The following UNC79 variants were observed in gnomAD, a reference collection of about 807,000 sequenced individuals.
UNC79 encodes unc-79 subunit of NALCN channel complex, also known as protein unc-79 homolog.
UNC79 carries 37 observed loss-of-function variants against 283.1 expected under a neutral mutation model. That is an observed-to-expected ratio of 0.13 (90% CI 0.10 to 0.17). The LOEUF is 0.17. Ranked by LOEUF, UNC79 falls within the 10% of genes least tolerant of loss-of-function variation. UNC79 has a pLI of 1.00. For synonymous variants in UNC79, 1,107 were observed against 1,200.2 expected, an observed-to-expected ratio of 0.92 and a Z score of 1.61; for missense variants, 2,272 against 3,211.1, an observed-to-expected ratio of 0.71 and a Z score of 7.07.
chr14:93,598,792 G>A (rs1317647708), intron 24 of UNC79, among the ~76,000 whole-genome samples: 1 of 152,226 alleles, frequency 6.6e-6, no homozygotes, highest in African/African-American at 2.4e-5. Context: ...AAAGTGCTGG[G>A]ATTAGAGGCC....
chr14:93,566,537 C>T lies in UNC79; in HGVS notation c.1756-5357C>T, dbSNP rs10141516. Among the ~76,000 whole-genome samples the T allele has an allele frequency of 7.1e-3, 1,078 of 152,048 alleles. 13 individuals are homozygous for T. Among genetic ancestry groups the T allele is most frequent in the African/African-American group, 0.025 (1,019 of 41,440 alleles). ...TAACAGGCCACCTGGTGGTCTGGCCCGCGGCAACAATGCTGTAAATCAATA... is the reference window on the plus strand; with the variant it reads ...TAACAGGCCACCTGGTGGTCTGGCCTGCGGCAACAATGCTGTAAATCAATA... On this transcript the variant is annotated intron_variant, in intron 14 of 48. Transcript: ENST00000555664.
intron 7 of UNC79, among the ~76,000 whole-genome samples, chr14:93,498,117 A>G (rs2059103524): frequency 7.3e-6 from 1 of 137,104 alleles, no homozygotes; most frequent in South Asian, 2.6e-4. Context: ...CAACATGTAA[A>G]AATTAGCCAG....
At chr14:93,565,040 A>G (rs1039214538) in intron 14 of UNC79, among the ~76,000 whole-genome samples, 1 of 146,982 alleles carries the variant, frequency 6.8e-6, no homozygotes, top group African/African-American at 2.4e-5. Context: ...CTAAGAGACC[A>G]GAAGTACAGC....
intron 1 of UNC79, among the ~76,000 whole-genome samples, chr14:93,358,091 G>A (rs996286082): frequency 2.0e-5 from 3 of 151,396 alleles, no homozygotes; most frequent in Non-Finnish European, 4.4e-5. Flanking sequence ...TTCTTTCACT[G>A]GTTTTAGGGT....
chr14:93,628,108 A>G (rs891113091), intron 30 of UNC79, among the ~76,000 whole-genome samples: 7 of 152,210 alleles, frequency 4.6e-5, no homozygotes, highest in Non-Finnish European at 1.0e-4. Context: ...ATCTTTTAAA[A>G]TAGGAGATTA....
chr14:93,358,290 G>A (rs894805216), intron 1 of UNC79, among the ~76,000 whole-genome samples: 1 of 152,094 alleles, frequency 6.6e-6, no homozygotes, highest in South Asian at 2.1e-4. Flanking sequence ...TATATGTGGA[G>A]GACCAAGGAA....
intron 31 of UNC79, 46 bp from the exon 34 acceptor site, chr14:93,634,475 T>A (rs2068334835): frequency 7.1e-7 from 1 of 1,400,864 alleles, no homozygotes; most frequent in African/African-American, 1.4e-5. Flanking sequence ...CTTTGTGTGC[T>A]GTGGAAATTT....
intron 35 of UNC79, among the ~76,000 whole-genome samples, chr14:93,648,839 C>G (rs1243625286): frequency 1.3e-5 from 2 of 152,176 alleles, no homozygotes; most frequent in African/African-American, 2.4e-5. Flanking sequence ...CACAGAGATG[C>G]AAGCACTTGC....
At chr14:93,695,290 A>C (rs2075010855) in intron 47 of UNC79, among the ~76,000 whole-genome samples, 1 of 152,326 alleles carries the variant, frequency 6.6e-6, no homozygotes, top group South Asian at 2.1e-4. Context: ...TTGCTGTTTC[A>C]TTCCTTGGTT....
At chr14:93,464,886 A>G (rs1216754905) in intron 1 of UNC79, among the ~76,000 whole-genome samples, 1 of 152,184 alleles carries the variant, frequency 6.6e-6, no homozygotes, top group Non-Finnish European at 1.5e-5. Context: ...TTGAACTGTA[A>G]ATGAGTTTTA....
chr14:93,502,819 C>CAGT (rs1355654632), intron 7 of UNC79, among the ~76,000 whole-genome samples: 3 of 152,164 alleles, frequency 2.0e-5, no homozygotes, highest in Non-Finnish European at 4.4e-5. Context: ...TAACTCAAGA[C>CAGT]AGTACTACAA....
chr14:93,633,847 G>T (rs1051964974), intron 31 of UNC79, among the ~76,000 whole-genome samples: 1 of 152,140 alleles, frequency 6.6e-6, no homozygotes, highest in Admixed American at 6.5e-5. Flanking sequence ...ACAAAGATGT[G>T]TACTAGAATA....
In UNC79 at chr14:93,586,927, T is replaced by C; in HGVS notation, c.3032+19T>C. 1 of 1,610,126 alleles carries C rather than the reference T, an allele frequency of 6.2e-7. No homozygotes were observed. Among genetic ancestry groups the C allele is most frequent in the Non-Finnish European group, 8.5e-7 (1 of 1,178,886 alleles). On this transcript the variant is annotated intron_variant, in intron 22 of 48. Transcript: ENST00000555664. ...TTGCAAGGTACGTCTTCCTAATGGT[T>C]TGTTTTGATTGTTTATACATTAGGC...
At chr14:93,405,471 A>G (rs2055207817) in intron 1 of UNC79, among the ~76,000 whole-genome samples, 1 of 152,210 alleles carries the variant, frequency 6.6e-6, no homozygotes, top group East Asian at 1.9e-4. Flanking sequence ...TTAACAAAAT[A>G]TAAAAAATTT....
chr14:93,342,984 A>G (rs549985653), intron 1 of UNC79, among the ~76,000 whole-genome samples: 11 of 152,366 alleles, frequency 7.2e-5, no homozygotes, highest in Non-Finnish European at 1.3e-4. Flanking sequence ...GGTATCATAT[A>G]TCATACTATC....
chr14:93,454,045 A>C (rs909131386), intron 1 of UNC79, among the ~76,000 whole-genome samples: 1 of 118,942 alleles, frequency 8.4e-6, no homozygotes, highest in Non-Finnish European at 1.7e-5. Context: ...AGACTTTTTA[A>C]ATCTTTTTTT....
intron 32 of UNC79, among the ~76,000 whole-genome samples, chr14:93,638,356 G>C (rs2068696478): frequency 6.6e-6 from 1 of 152,210 alleles, no homozygotes; most frequent in African/African-American, 2.4e-5. Flanking sequence ...GAAAAGCTTT[G>C]ATGAGTAGAA....
intron 33 of UNC79, among the ~76,000 whole-genome samples, chr14:93,641,870 C>T (rs892093836): frequency 6.6e-6 from 1 of 152,150 alleles, no homozygotes; most frequent in African/African-American, 2.4e-5. Flanking sequence ...GCAGTTTCCC[C>T]CATACTGTTC....
chr14:93,433,280 A>G (rs1275283371), intron 1 of UNC79, among the ~76,000 whole-genome samples: 1 of 152,186 alleles, frequency 6.6e-6, no homozygotes, highest in African/African-American at 2.4e-5. Flanking sequence ...TAAGGATGCT[A>G]TGGATGTTTT....
Sources: gnomAD v4.1 joint callset for allele counts (sites outside exome capture counted in the v4.1 genomes callset) on GRCh38, gnomAD v4.1.1 for gene constraint, MANE v1.5 for transcripts, NCBI Gene and HGNC (gene_info 2026-07-23, HGNC 2026-07-21) for gene names.